CLSTN2: variants seen among roughly 807,000 people sequenced by gnomAD.
CLSTN2 encodes the protein calsyntenin 2.
In CLSTN2, 48 loss-of-function variants were observed where a neutral mutation model predicts 101.2. The ratio of observed to expected loss-of-function variants is 0.47; its 90% CI spans 0.38 to 0.60. The LOEUF (loss-of-function observed/expected upper bound fraction) is 0.60, where lower values mean the gene tolerates loss of function less well. CLSTN2 is among the 20% of genes least tolerant of loss of function. The probability of loss-of-function intolerance (pLI) is 0.00; values close to 1 mark genes in which losing one functional copy is unlikely to be tolerated. For synonymous variants in CLSTN2, 481 were observed against 463.6 expected, an observed-to-expected ratio of 1.04 and a Z score of -0.48; for missense variants, 1,160 against 1,238.2, an observed-to-expected ratio of 0.94 and a Z score of 0.95.
At chr3:140,504,843 T>G (rs1434056586) in intron 8 of CLSTN2, among the ~76,000 whole-genome samples, 1 of 152,178 alleles carries the variant, frequency 6.6e-6, no homozygotes, top group African/African-American at 2.4e-5. Flanking sequence ...GGCATTTGTT[T>G]TGTTTTGATT....
intron 1 of CLSTN2, among the ~76,000 whole-genome samples, chr3:140,169,230 TAA>T (rs1023624756): frequency 3.3e-5 from 5 of 152,150 alleles, no homozygotes; most frequent in Non-Finnish European, 7.4e-5. Flanking sequence ...AAATTATTGC[TAA>T]GTTTCATGTT....
intron 1 of CLSTN2, among the ~76,000 whole-genome samples, chr3:140,057,611 G>A (rs912332015): frequency 7.9e-5 from 12 of 152,194 alleles, no homozygotes; most frequent in African/African-American, 2.6e-4. Context: ...TTGCATCCTC[G>A]AGAGCAAATG....
chr3:140,076,636 T>G (rs1284233555), intron 1 of CLSTN2, among the ~76,000 whole-genome samples: 3 of 141,088 alleles, frequency 2.1e-5, no homozygotes, highest in South Asian at 2.3e-4. Flanking sequence ...TTTTTTTTTT[T>G]TTTTTTTTTT....
chr3:140,157,734 C>T (rs546035263), intron 1 of CLSTN2, among the ~76,000 whole-genome samples: 31 of 152,266 alleles, frequency 2.0e-4, no homozygotes, highest in African/African-American at 7.2e-4. Context: ...CAGTTTCATT[C>T]AGTTCTGCTC....
chr3:140,543,187 T>C (rs986538176), intron 9 of CLSTN2, among the ~76,000 whole-genome samples: 4 of 152,154 alleles, frequency 2.6e-5, no homozygotes, highest in Non-Finnish European at 4.4e-5. Flanking sequence ...GAGGAGGCTG[T>C]GAAGAGATGA....
chr3:140,100,303 C>T (rs927176600), intron 1 of CLSTN2, among the ~76,000 whole-genome samples: 7 of 152,120 alleles, frequency 4.6e-5, no homozygotes, highest in African/African-American at 1.4e-4. Context: ...CCCTCCTTCT[C>T]CCTCCCCTCC....
At chr3:140,541,999 A>C (rs1029257221) in intron 9 of CLSTN2, among the ~76,000 whole-genome samples, 3 of 152,208 alleles carry the variant, frequency 2.0e-5, no homozygotes, top group African/African-American at 7.2e-5. Flanking sequence ...GGTAAGGTAG[A>C]AGAAACAACT....
At chr3:140,020,673 C>A (rs1365178520) in intron 1 of CLSTN2, among the ~76,000 whole-genome samples, 1 of 152,226 alleles carries the variant, frequency 6.6e-6, no homozygotes, top group Non-Finnish European at 1.5e-5. Context: ...CCACTAATAG[C>A]ATCTTCTCCT....
At chr3:139,993,061 G>T (rs1443448958) in intron 1 of CLSTN2, among the ~76,000 whole-genome samples, 1 of 152,094 alleles carries the variant, frequency 6.6e-6, no homozygotes, top group African/African-American at 2.4e-5. Flanking sequence ...TGGTCAATGC[G>T]TGAGATCTTA....
At chr3:140,276,940 G>T (rs1230789406) in intron 2 of CLSTN2, among the ~76,000 whole-genome samples, 1 of 152,146 alleles carries the variant, frequency 6.6e-6, no homozygotes, top group South Asian at 2.1e-4. Flanking sequence ...AGGCCCTTGA[G>T]GTAAGAAGCC....
chr3:140,318,668 AG>A (rs1476913411), intron 2 of CLSTN2, among the ~76,000 whole-genome samples: 1 of 152,178 alleles, frequency 6.6e-6, no homozygotes, highest in African/African-American at 2.4e-5. Context: ...CTAGAGTTCT[AG>A]GTACTTACCG....
At chr3:140,220,786 G>A (rs1032595806) in intron 2 of CLSTN2, among the ~76,000 whole-genome samples, 2 of 152,240 alleles carry the variant, frequency 1.3e-5, no homozygotes, top group South Asian at 4.1e-4. Flanking sequence ...GCTGATTTGT[G>A]ATGGGGACAG....
intron 1 of CLSTN2, among the ~76,000 whole-genome samples, chr3:140,133,040 G>A (rs1044882059): frequency 1.3e-5 from 2 of 152,218 alleles, no homozygotes; most frequent in Non-Finnish European, 2.9e-5. Flanking sequence ...TATTTGCCTC[G>A]TTGTTCAGCA....
At chr3:140,200,516 G>A (rs1196031829) in intron 2 of CLSTN2, among the ~76,000 whole-genome samples, 2 of 152,158 alleles carry the variant, frequency 1.3e-5, no homozygotes, top group Non-Finnish European at 2.9e-5. Context: ...CTAATAGCAT[G>A]CTCTTTATAT....
chr3:140,232,316 A>G (rs1423309854), intron 2 of CLSTN2, among the ~76,000 whole-genome samples: 1 of 152,194 alleles, frequency 6.6e-6, no homozygotes, highest in Non-Finnish European at 1.5e-5. Context: ...TATTGAATGC[A>G]TCACATGAGA....
intron 2 of CLSTN2, among the ~76,000 whole-genome samples, chr3:140,227,378 A>G (rs4355240): frequency 0.39 from 59,182 of 152,184 alleles, 13,909 homozygotes; most frequent in Non-Finnish European, 0.54. Flanking sequence ...ATCCAGGTCA[A>G]GCTGATGCAA....
intron 1 of CLSTN2, among the ~76,000 whole-genome samples, chr3:140,172,362 C>T (rs967137913): frequency 6.6e-6 from 1 of 151,996 alleles, no homozygotes; most frequent in African/African-American, 2.4e-5. Context: ...ATGGAGAGAC[C>T]AGTCAGGAGA....
chr3:140,363,381 G>A (rs2087749577), intron 2 of CLSTN2, among the ~76,000 whole-genome samples: 1 of 152,164 alleles, frequency 6.6e-6, no homozygotes, highest in South Asian at 2.1e-4. Context: ...TCTTTTGCAT[G>A]TAATAGAAAT....
At chr3:140,235,301 C>A (rs966600332) in intron 2 of CLSTN2, among the ~76,000 whole-genome samples, 1 of 152,070 alleles carries the variant, frequency 6.6e-6, no homozygotes, top group Admixed American at 6.6e-5. Flanking sequence ...CAGATGGGGG[C>A]CCTAACAGTT....
Sources: gnomAD v4.1 joint callset for allele counts (sites outside exome capture counted in the v4.1 genomes callset) on GRCh38, gnomAD v4.1.1 for gene constraint, MANE v1.5 for transcripts, NCBI Gene and HGNC (gene_info 2026-07-23, HGNC 2026-07-21) for gene names.